Variants in AKR1B10 observed in about 807,000 individuals in gnomAD.
AKR1B10 encodes ARP.
In AKR1B10, 39 loss-of-function variants were observed where a neutral mutation model predicts 38.9. The ratio of observed to expected loss-of-function variants is 1.00; its 90% confidence interval spans 0.78 to 1.31. AKR1B10 has a LOEUF of 1.31. AKR1B10 is among the 50% of genes most tolerant of loss of function. The pLI is 0.00. For synonymous variants in AKR1B10, 148 were observed against 141.2 expected (o/e 1.05, Z -0.34); for missense variants, 361 against 382.6 (o/e 0.94, Z 0.47).
intron 4 of AKR1B10, 129 bp downstream of exon 4, chr7:134,533,210 C>G: frequency 1.3e-6 from 1 of 741,636 alleles, no homozygotes; most frequent in Non-Finnish European, 2.2e-6. Flanking sequence ...TCTAGCTCTT[C>G]TAATATCTTC....
rs531062481 is a variant in AKR1B10, at chr7:134,536,551, T to G, written c.430-99T>G. 3.0e-5 allele frequency: 45 copies of G among 1,521,250 alleles called. No individual in the cohort carries two copies. The Admixed American group carries it at 7.7e-4, about 26-fold the overall frequency. 94.2% of individuals were successfully genotyped at this position (1,521,250 alleles called of 1,614,324 possible). On this transcript the variant is annotated intron_variant, in intron 4 of 9. Transcript: ENST00000359579. ...AATGCTTCGGCTAACCCTGTTACGG[T>G]GGATCCTTTAGCAATTTCTGCCCCA...
intron 4 of AKR1B10, 24 bp downstream of exon 4, chr7:134,533,105 T>C: frequency 6.4e-7 from 1 of 1,562,728 alleles, no homozygotes; most frequent in Middle Eastern, 1.7e-4. Context: ...TTCCTCTAAG[T>C]GTGCTGGGAG....
Position 134,538,237 on chromosome 7 carries a change from C to G in AKR1B10, c.785C>G (p.Pro262Arg). 1 of 1,614,088 alleles carries G rather than the reference C, an allele frequency of 6.2e-7. No individual in the cohort carries two copies. Among genetic ancestry groups the G allele is most frequent in the Non-Finnish European group, 8.5e-7 (1 of 1,179,980 alleles). The change falls in exon 8 of 10, where the codon CCC becomes CGC. Residue 262 changes from proline to arginine, a missense_variant. This residue lies in a region of AKR1B10 where 132 missense variants were observed against 134.6 expected (regional missense o/e 0.98). Coordinates refer to ENST00000359579, the MANE Select transcript of AKR1B10 (RefSeq NM_020299.5). The stretch of plus-strand genomic sequence containing the variant: ...ATCCAGAGGAATGTGATTGTCATCC[C>G]CAAGTCTGTGACACCAGCACGCATT... ...FHIQRNVIVI[P>R]KSVTPARIVE...
In AKR1B10 at chr7:134,533,057, A is replaced by C; in HGVS notation, c.405A>C (p.Lys135Asn). 6.3e-7 allele frequency: 1 copy of C among 1,598,692 alleles called. No homozygotes were observed. The highest frequency in any genetic ancestry group is 8.5e-7 in the Non-Finnish European group (1 of 1,174,504). ...ATAAAGGTAATGCCATCGGTGGAAA[A>C]GCAACGTTCTTGGATGCCTGGGAGG... ...KDDKGNAIGGKATFLDAWEAM... is the reference protein window; with the variant it reads ...KDDKGNAIGGNATFLDAWEAM... The change falls in exon 4 of 10, where the codon AAA becomes AAC. Residue 135 changes from lysine (K) to asparagine (N), a missense_variant. By Grantham distance (94) the Lys-to-Asn change is moderately conservative. Transcript: ENST00000359579.
rs1005507685 is a variant in AKR1B10, at chr7:134,533,138, G to A, written c.429+57G>A. 9 of 1,382,762 alleles carry A rather than the reference G, an allele frequency of 6.5e-6. No individual in the cohort carries two copies. In the African/African-American group the frequency reaches 8.9e-5, roughly 14 times the overall value. 85.7% of individuals were successfully genotyped at this position (1,382,762 alleles called of 1,614,324 possible). ...GAGAGAAATCTTCAGTTATCCATGA[G>A]ATTCGCATGGATATGAATGAGGCCA... On this transcript the variant is annotated intron_variant, in intron 4 of 9. Transcript: ENST00000359579.
At chr7:134,528,689 C>T (rs553595486) in intron 1 of AKR1B10, among the ~76,000 whole-genome samples, 49 of 152,202 alleles carry the variant, frequency 3.2e-4, no homozygotes, top group African/African-American at 1.2e-3. Context: ...TGTGCCACTG[C>T]ACTCCAGTCT....
At position 134,538,240 on chromosome 7, in the gene AKR1B10, AG is replaced by A; in HGVS notation, c.789del (p.Lys263AsnfsTer3). 1 of 1,614,072 alleles carries A rather than the reference AG, an allele frequency of 6.2e-7. No individual in the cohort carries two copies. The highest frequency in any genetic ancestry group is 8.5e-7 in the Non-Finnish European group (1 of 1,179,962). On this transcript the variant is annotated frameshift_variant, in exon 8 of 10. Transcript: ENST00000359579. LOFTEE classifies it high-confidence loss of function. ...HIQRNVIVIP[K>X]SVTPARIVEN... ...CAGAGGAATGTGATTGTCATCCCCA[AG>A]TCTGTGACACCAGCACGCATTGTTG... is the stretch of plus-strand genomic sequence containing the variant.
chr7:134,533,725 G>A (rs1298107192), intron 4 of AKR1B10, among the ~76,000 whole-genome samples: 3 of 152,204 alleles, frequency 2.0e-5, no homozygotes, highest in Non-Finnish European at 4.4e-5. Flanking sequence ...TGCTTGGCAG[G>A]CAGTGAAGAC....
chr7:134,528,001 C>G (rs141459829), intron 1 of AKR1B10, 24 bp downstream of exon 1: 22 of 1,612,756 alleles, frequency 1.4e-5, no homozygotes, highest in Non-Finnish European at 1.7e-5. Context: ...TCTTTGCACA[C>G]CCTTCTTCTC....
At chr7:134,528,731 AAGAGAGAAAGAGAG>A (rs1562928953) in intron 1 of AKR1B10, among the ~76,000 whole-genome samples, 1 of 120,386 alleles carries the variant, frequency 8.3e-6, no homozygotes, top group Non-Finnish European at 1.6e-5. Flanking sequence ...GAAAGCAAGA[AAGAGAGAAAGAGAG>A]AGAGAGAAAG....
intron 8 of AKR1B10, 28 bp downstream of exon 8, chr7:134,538,305 A>G: frequency 1.3e-6 from 2 of 1,598,532 alleles, no homozygotes; most frequent in Non-Finnish European, 1.7e-6. Context: ...CGGCCCTGGT[A>G]TTCCTCAGTG....
At chr7:134,537,485 C>T (rs1042070895) in intron 6 of AKR1B10, 95 bp from the exon 7 acceptor site, 3 of 1,336,748 alleles carry the variant, frequency 2.2e-6, no homozygotes, top group African/African-American at 3.0e-5. Context: ...GATGGAGAGG[C>T]TCTGATGATC....
chr7:134,529,026 A>G (rs989899664), intron 1 of AKR1B10, among the ~76,000 whole-genome samples: 3 of 151,638 alleles, frequency 2.0e-5, no homozygotes, highest in African/African-American at 4.8e-5. Context: ...TTCCATCACC[A>G]CCTCCCTCTG....
chr7:134,527,829 G>C lies in AKR1B10; in HGVS notation c.-83G>C. The C allele has an allele frequency of 6.2e-7, 1 of 1,600,840 alleles. No individual in the cohort carries two copies. The highest frequency in any genetic ancestry group is 8.5e-7 in the Non-Finnish European group (1 of 1,171,306). ...CCACTGCACTCTAGCCTTGGCAACA[G>C]TGCAAGACTGTCTCAAAAACAGCAA... On this transcript the variant is annotated 5_prime_UTR_variant, in exon 1 of 10. Transcript: ENST00000359579.
chr7:134,537,533 C>T (rs750470730), intron 6 of AKR1B10, 47 bp from the exon 7 acceptor site: 2 of 1,589,428 alleles, frequency 1.3e-6, no homozygotes, highest in Non-Finnish European at 1.7e-6. Flanking sequence ...TCCTTCTGTA[C>T]ATGGTAGCCA....
In AKR1B10 at chr7:134,536,633, A is replaced by G. The variant is rs375907632; in HGVS notation, c.430-17A>G. 8.7e-6 allele frequency: 14 copies of G among 1,613,376 alleles called. 1 individual carries two copies. Among genetic ancestry groups the G allele is most frequent in the Non-Finnish European group, 1.2e-5 (14 of 1,179,640 alleles). ...GTCCCTCTAGAGCTGCCCATAAGGTATTCCTTTCTATGATAGGCCATGGAG... is the reference window on the plus strand; with the variant it reads ...GTCCCTCTAGAGCTGCCCATAAGGTGTTCCTTTCTATGATAGGCCATGGAG... On this transcript the variant is annotated splice_polypyrimidine_tract_variant and intron_variant, in intron 4 of 9. Coordinates refer to ENST00000359579, the MANE Select transcript of AKR1B10 (RefSeq NM_020299.5).
rs1807719326 is a variant in AKR1B10, at chr7:134,527,747, G to C, written c.-165G>C. 17 of 885,870 alleles carry C rather than the reference G, an allele frequency of 1.9e-5. No homozygotes were observed. The highest frequency in any genetic ancestry group is 5.0e-5 in the African/African-American group (3 of 59,406). 54.9% of individuals were successfully genotyped at this position (885,870 alleles called of 1,614,324 possible). On this transcript the variant is annotated 5_prime_UTR_variant, in exon 1 of 10. Transcript: ENST00000359579. Reference sequence around the variant, plus strand: ...TGTAATCCCAGCTACTCGGGAGGCTGAGGCAGGAGAATTGCTTGAACCCAG... The same window carrying C: ...TGTAATCCCAGCTACTCGGGAGGCTCAGGCAGGAGAATTGCTTGAACCCAG...
rs1808067547 is a variant in AKR1B10 at position 134,538,336 on chromosome 7, T to G, written c.825+59T>G. The G allele has an allele frequency of 3.3e-6, 5 of 1,493,260 alleles. No individual in the cohort carries two copies. In the South Asian group the frequency reaches 5.7e-5, roughly 17 times the overall value. 92.5% of individuals were successfully genotyped at this position (1,493,260 alleles called of 1,614,324 possible). On this transcript the variant is annotated intron_variant, in intron 8 of 9. Coordinates refer to ENST00000359579, the MANE Select transcript of AKR1B10 (RefSeq NM_020299.5). ...CAGTGGAGTGGGGGACAGGCAGACC[T>G]TCTCACTAGGCTTCTCACCTCATCG...
At chr7:134,538,604 A>G (rs1808074326) in intron 8 of AKR1B10, among the ~76,000 whole-genome samples, 1 of 152,090 alleles carries the variant, frequency 6.6e-6, no homozygotes, top group Non-Finnish European at 1.5e-5. Context: ...CTCCCTGCTC[A>G]CTTCCCGGCA....
Sources: gnomAD v4.1 joint callset for allele counts (sites outside exome capture counted in the v4.1 genomes callset) on GRCh38, gnomAD v4.1.1 for gene constraint, gnomAD v4.1.1 regional missense constraint, MANE v1.5 for transcripts, NCBI Gene and HGNC (gene_info 2026-07-23, HGNC 2026-07-21) for gene names.